MSI2: variants seen among roughly 807,000 people sequenced by gnomAD.
The protein encoded by MSI2 is RNA-binding protein Musashi homolog 2.
Under a neutral mutation model 45.6 loss-of-function variants are expected in MSI2, and 17 were observed. The observed-to-expected ratio is 0.37, with a 90% CI of 0.26 to 0.56. The LOEUF is 0.56. Among genes scored for constraint, MSI2 ranks in the 20% least tolerant of loss-of-function variants. The probability of loss-of-function intolerance (pLI) is 0.77; values close to 1 mark genes in which losing one functional copy is unlikely to be tolerated. For synonymous variants in MSI2, 156 were observed against 158.2 expected (o/e 0.99, Z 0.11); for missense variants, 293 against 444.2 (o/e 0.66, Z 3.06).
chr17:57,468,038 A>T (rs564661422), intron 6 of MSI2, among the ~76,000 whole-genome samples: 3 of 151,514 alleles, frequency 2.0e-5, no homozygotes, highest in African/African-American at 7.3e-5. Context: ...AAACCCAGCA[A>T]TGTCAAGTGT....
At chr17:57,340,295 G>A (rs868425700) in intron 5 of MSI2, among the ~76,000 whole-genome samples, 28 of 152,298 alleles carry the variant, frequency 1.8e-4, no homozygotes, top group African/African-American at 6.3e-4. Flanking sequence ...ACACTGCACT[G>A]CCTTAACCCT....
At chr17:57,374,940 C>T (rs1365478244) in intron 5 of MSI2, among the ~76,000 whole-genome samples, 1 of 152,168 alleles carries the variant, frequency 6.6e-6, no homozygotes, top group Non-Finnish European at 1.5e-5. Flanking sequence ...GTTTCCATCT[C>T]TTCAGCATCT....
chr17:57,474,015 G>A (rs1029864540), intron 6 of MSI2, among the ~76,000 whole-genome samples: 4 of 152,080 alleles, frequency 2.6e-5, no homozygotes, highest in Admixed American at 6.6e-5. Context: ...TTCTTTATGG[G>A]GAAGATGTTT....
At chr17:57,418,711 G>A (rs2143269845) in intron 6 of MSI2, among the ~76,000 whole-genome samples, 1 of 152,314 alleles carries the variant, frequency 6.6e-6, no homozygotes, top group African/African-American at 2.4e-5. Context: ...GCCAAAGTGG[G>A]AACTTTTATG....
chr17:57,550,208 T>G (rs1483570515), intron 7 of MSI2, among the ~76,000 whole-genome samples: 1 of 152,196 alleles, frequency 6.6e-6, no homozygotes, highest in East Asian at 1.9e-4. Context: ...AGAACTGTTC[T>G]TAGAGCTTGG....
chr17:57,663,032 T>C (rs1912103497), intron 11 of MSI2, among the ~76,000 whole-genome samples: 2 of 152,210 alleles, frequency 1.3e-5, no homozygotes, highest in Admixed American at 1.3e-4. Context: ...ACAGACGTCC[T>C]CTGTAGGGAT....
At chr17:57,276,552 T>A (rs756574490) in intron 5 of MSI2, among the ~76,000 whole-genome samples, 1 of 152,160 alleles carries the variant, frequency 6.6e-6, no homozygotes, top group African/African-American at 2.4e-5. Context: ...CAGAGAAAGA[T>A]AGAGGAGGGG....
rs188668364 is a variant in MSI2 at position 57,543,008 on chromosome 17, C to T, written c.454+13284C>T. 3.3e-3 allele frequency among the ~76,000 whole-genome samples: 510 copies of T among 152,340 alleles called. 1 individual carries two copies. The highest frequency in any genetic ancestry group is 7.1e-3 in the Admixed American group (108 of 15,306). ...CCTTTGCCCAGCAAATACCATTAAT[C>T]TATGACAAGAGGGTGGGCACTCACC... is the stretch of plus-strand genomic sequence containing the variant. On this transcript the variant is annotated intron_variant, in intron 7 of 13. Transcript: ENST00000284073.
At position 57,529,596 on chromosome 17, in the gene MSI2, C is replaced by A; in HGVS notation, c.406-80C>A. ...ACTTCTGTAATGGAAACTACCCCCTCACCCCCCGACATGCATATAATGTTT... is the reference window on the plus strand; with the variant it reads ...ACTTCTGTAATGGAAACTACCCCCTAACCCCCCGACATGCATATAATGTTT... On this transcript the variant is annotated intron_variant, in intron 6 of 13. Coordinates refer to ENST00000284073, the MANE Select transcript of MSI2 (RefSeq NM_138962.4). This position sits in a 1 kb window ranked among gnomAD's most constrained non-coding sequence, Gnocchi z 5.3. 1 of 1,310,512 alleles carries A rather than the reference C, an allele frequency of 7.6e-7. No homozygotes were observed. Among genetic ancestry groups the A allele is most frequent in the Non-Finnish European group, 1.1e-6 (1 of 915,530 alleles). The allele number at this position is 1,310,512 out of a possible 1,614,324, so 81.2% of individuals were successfully genotyped here. A position where few individuals can be genotyped will look rare whatever the true frequency, so the allele number is the denominator to read the frequency against.
chr17:57,698,657 C>T, the MSI2 span, among the ~76,000 whole-genome samples: 1 of 152,314 alleles, frequency 6.6e-6, no homozygotes, highest in Non-Finnish European at 1.5e-5. Flanking sequence ...GGGCTGCCCT[C>T]TTACATGCTC....
chr17:57,261,356 C>CT (rs36081982), intron 4 of MSI2, among the ~76,000 whole-genome samples: 120 of 145,236 alleles, frequency 8.3e-4, no homozygotes, highest in Middle Eastern at 3.6e-3. Context: ...TATTCAGTAA[C>CT]TTTTTTTTTT....
chr17:57,481,763 A>C (rs2085652667), intron 6 of MSI2, among the ~76,000 whole-genome samples: 1 of 152,250 alleles, frequency 6.6e-6, no homozygotes, highest in African/African-American at 2.4e-5. Flanking sequence ...TCAAAGGAAC[A>C]TAACTGCTGT....
At chr17:57,524,515 G>A (rs1042322635) in intron 6 of MSI2, among the ~76,000 whole-genome samples, 3 of 152,194 alleles carry the variant, frequency 2.0e-5, no homozygotes, top group African/African-American at 7.2e-5. Context: ...GCATAATCTA[G>A]ACATGAGTTT....
At chr17:57,638,734 TTAAAAAA>T (rs1412482745) in intron 10 of MSI2, among the ~76,000 whole-genome samples, 1 of 51,304 alleles carries the variant, frequency 1.9e-5, no homozygotes, top group Non-Finnish European at 5.4e-5. Context: ...AACAAAATAT[TTAAAAAA>T]TATTTAAAAA....
intron 6 of MSI2, among the ~76,000 whole-genome samples, chr17:57,465,698 C>T (rs1246726281): frequency 6.6e-6 from 1 of 152,142 alleles, no homozygotes; most frequent in African/African-American, 2.4e-5. Context: ...TGGTAATGTT[C>T]TGTGCTCTTA....
intron 7 of MSI2, among the ~76,000 whole-genome samples, chr17:57,540,376 A>G (rs1319727198): frequency 6.6e-6 from 1 of 152,228 alleles, no homozygotes; most frequent in Admixed American, 6.5e-5. Flanking sequence ...CTGCTGGCAG[A>G]TGCTGTCAAG....
At chr17:57,481,229 G>A (rs2085640917) in intron 6 of MSI2, among the ~76,000 whole-genome samples, 1 of 152,222 alleles carries the variant, frequency 6.6e-6, no homozygotes, top group Non-Finnish European at 1.5e-5. Context: ...TGAAGAGACT[G>A]AAGAGTAGCA....
At chr17:57,342,736 C>T (rs1915271442) in intron 5 of MSI2, among the ~76,000 whole-genome samples, 1 of 152,110 alleles carries the variant, frequency 6.6e-6, no homozygotes, top group East Asian at 1.9e-4. Flanking sequence ...GACCACAAAA[C>T]CATCTTAAAA....
chr17:57,584,001 G>A (rs1943135656), intron 7 of MSI2, among the ~76,000 whole-genome samples: 1 of 152,196 alleles, frequency 6.6e-6, no homozygotes, highest in South Asian at 2.1e-4. Context: ...GCAGATTCAG[G>A]TTCAGTGGGT....
Sources: allele counts gnomAD v4.1 joint callset (sites outside exome capture counted in the v4.1 genomes callset), GRCh38; gene constraint gnomAD v4.1.1; non-coding constraint Gnocchi (gnomAD v3.1); transcripts MANE v1.5; gene names NCBI Gene and HGNC (gene_info 2026-07-23, HGNC 2026-07-21).